Variants in CBX8 observed in about 807,000 individuals in gnomAD.
CBX8 encodes the protein chromobox protein homolog 8.
In CBX8, 8 loss-of-function variants were observed where a neutral mutation model predicts 39.7. The ratio of observed to expected loss-of-function variants is 0.20; its 90% CI spans 0.12 to 0.36. CBX8 has a LOEUF of 0.36. Ranked by LOEUF, CBX8 falls within the 10% of genes least tolerant of loss-of-function variation. CBX8 has a pLI of 1.00. For synonymous variants in CBX8, 268 were observed against 219.8 expected, an observed-to-expected ratio of 1.22 and a Z score of -1.94; for missense variants, 505 against 529.6, an observed-to-expected ratio of 0.95 and a Z score of 0.46.
At position 79,795,335 on chromosome 17, in the gene CBX8, T is replaced by A. The variant is rs1908039164; in HGVS notation, c.470A>T (p.Asp157Val). Residue 157 changes from aspartate (D) to valine (V), a missense_variant, in exon 5 of 5, where the codon GAC (aspartate) becomes GTC (valine). This residue lies in a region of CBX8 where 456 missense variants were observed against 389.2 expected (regional missense o/e 1.17). Transcript: ENST00000269385. The surrounding 1 kb of genome is among the most constrained non-coding windows in gnomAD (Gnocchi z 5.8). ...PRDRDRDRDRDRERDRERERE... is the reference protein window; with the variant it reads ...PRDRDRDRDRVRERDRERERE... ...CTCCCTTTCTCGATCCCGCTCCCGGTCCCTATCCCGGTCTCGGTCCCGGTC... is the reference window on the plus strand; with the variant it reads ...CTCCCTTTCTCGATCCCGCTCCCGGACCCTATCCCGGTCTCGGTCCCGGTC... 6.3e-7 allele frequency: 1 copy of A among 1,584,382 alleles called. No individual in the cohort carries two copies. The highest frequency in any genetic ancestry group is 1.8e-5 in the Admixed American group (1 of 54,784).
chr17:79,796,488 C>G lies in CBX8; in HGVS notation c.113+9G>C. The G allele has an allele frequency of 6.2e-7, 1 of 1,614,174 alleles. No homozygotes were observed. Among genetic ancestry groups the G allele is most frequent in the Non-Finnish European group, 8.5e-7 (1 of 1,180,028 alleles). ...GTCTGGGGTTGAGAATTGCATATAACCTACTTACTTCTGCGACCATCCCTT... is the reference window on the plus strand; with the variant it reads ...GTCTGGGGTTGAGAATTGCATATAAGCTACTTACTTCTGCGACCATCCCTT... On this transcript the variant is annotated intron_variant, in intron 2 of 4. Transcript: ENST00000269385.
At position 79,794,587 on chromosome 17, in the gene CBX8, A is replaced by C. The variant is rs1336470991; in HGVS notation, c.*48T>G. 8.6e-6 allele frequency: 12 copies of C among 1,396,134 alleles called. No homozygotes were observed. Among genetic ancestry groups the C allele is most frequent in the African/African-American group, 1.4e-5 (1 of 69,332 alleles). 86.5% of individuals were successfully genotyped at this position (1,396,134 alleles called of 1,614,324 possible). A position where few individuals can be genotyped will look rare whatever the true frequency, so the allele number is the denominator to read the frequency against. ...AAATAAAAATCACTATGCCAAGCTC[A>C]CGCTCACTCTCTCCCCTGCTCTCCT... is the stretch of plus-strand genomic sequence containing the variant. On this transcript the variant is annotated 3_prime_UTR_variant, in exon 5 of 5. Transcript: ENST00000269385.
At position 79,796,860 on chromosome 17, in the gene CBX8, AG is replaced by A. The variant is rs1371132096; in HGVS notation, c.69+69del. On this transcript the variant is annotated intron_variant, in intron 1 of 4. Transcript: ENST00000269385. ...GGGGGAAGGGAAGCTGGGCTGCAGC[AG>A]GGGGAGGGAACCCGGGCCGGGAGGG... 5 of 1,375,776 alleles carry A rather than the reference AG, an allele frequency of 3.6e-6. No individual in the cohort carries two copies. In the Admixed American group the frequency reaches 1.0e-4, roughly 28 times the overall value. The allele number at this position is 1,375,776 out of a possible 1,614,324, so 85.2% of individuals were successfully genotyped here.
In CBX8 at chr17:79,795,131, T is replaced by C; in HGVS notation, c.674A>G (p.Tyr225Cys). Residue 225 changes from tyrosine (Y) to cysteine (C), a missense_variant, in exon 5 of 5, where the codon TAC (tyrosine) becomes TGC (cysteine). This residue lies in a region of CBX8 where 456 missense variants were observed against 389.2 expected (regional missense o/e 1.17). Coordinates refer to ENST00000269385, the MANE Select transcript of CBX8 (RefSeq NM_020649.3). This position sits in a 1 kb window ranked among gnomAD's most constrained non-coding sequence, Gnocchi z 5.8. ...LGEPSAGLGE[Y>C]LKGRKLDDTP... ...GTCGTCCAGCTTCCTGCCCTTGAGG[T>C]ACTCTCCGAGGCCGGCGCTGGGTTC... is the stretch of plus-strand genomic sequence containing the variant. 1 of 1,613,584 alleles carries C rather than the reference T, an allele frequency of 6.2e-7. No homozygotes were observed. The highest frequency in any genetic ancestry group is 8.5e-7 in the Non-Finnish European group (1 of 1,179,870).
chr17:79,796,466 T>C (rs376976718), intron 2 of CBX8, 31 bp downstream of exon 2: 163 of 1,613,640 alleles, frequency 1.0e-4, no homozygotes, highest in Non-Finnish European at 1.3e-4. Context: ...AATAACAGTC[T>C]GGGGTTGAGA....
At chr17:79,796,145 A>G (rs1441422957) in intron 3 of CBX8, 22 bp from the exon 4 acceptor site, 15 of 1,613,802 alleles carry the variant, frequency 9.3e-6, no homozygotes, top group Non-Finnish European at 1.2e-5. Flanking sequence ...AGAAAAGGAG[A>G]AAGGGTGCGT....
rs752385628 is a variant in CBX8, at chr17:79,797,025, C to T, written c.-27G>A. On this transcript the variant is annotated 5_prime_UTR_variant, in exon 1 of 5. Transcript: ENST00000269385. ...TTGACTCGCCGCTTCCCCCCTTGGC[C>T]GCTTCCAGGAGCAGAAAAGCAGCAG... The T allele has an allele frequency of 2.5e-6, 4 of 1,600,914 alleles. No individual in the cohort carries two copies. The highest frequency in any genetic ancestry group is 2.6e-6 in the Non-Finnish European group (3 of 1,174,472).
rs899259125 is a variant in CBX8 at position 79,795,142 on chromosome 17, G to C, written c.663C>G (p.Gly221=). The C allele has an allele frequency of 6.2e-7, 1 of 1,613,694 alleles. No individual in the cohort carries two copies. Among genetic ancestry groups the C allele is most frequent in the Non-Finnish European group, 8.5e-7 (1 of 1,179,910 alleles). ...TCCTGCCCTTGAGGTACTCTCCGAGGCCGGCGCTGGGTTCGCCTAAGGGCC... is the reference window on the plus strand; with the variant it reads ...TCCTGCCCTTGAGGTACTCTCCGAGCCCGGCGCTGGGTTCGCCTAAGGGCC... ...SQRPLGEPSA[G]LGEYLKGRKL... Residue 221 remains glycine, a synonymous_variant, in exon 5 of 5, where the codon GGC becomes GGG. Coordinates refer to ENST00000269385, the MANE Select transcript of CBX8 (RefSeq NM_020649.3). This position sits in a 1 kb window ranked among gnomAD's most constrained non-coding sequence, Gnocchi z 5.8.
intron 2 of CBX8, 38 bp from the exon 3 acceptor site, chr17:79,796,353 G>A (rs778819958): frequency 3.1e-6 from 5 of 1,609,776 alleles, no homozygotes; most frequent in Non-Finnish European, 3.4e-6. Context: ...TCAGTCCCAG[G>A]AGCAGGGTGA....
rs763212795 is a variant in CBX8, at chr17:79,793,665, TCTC to T, written c.*967_*969del. 5 of 152,202 alleles carry T rather than the reference TCTC, an allele frequency of 3.3e-5. No homozygotes were observed. The highest frequency in any genetic ancestry group is 5.9e-5 in the Non-Finnish European group (4 of 68,032). The allele number at this position is 152,202 out of a possible 1,614,324, so 9.4% of individuals were successfully genotyped here. A position where few individuals can be genotyped will look rare whatever the true frequency, so the allele number is the denominator to read the frequency against. On this transcript the variant is annotated 3_prime_UTR_variant, in exon 5 of 5. Coordinates refer to ENST00000269385, the MANE Select transcript of CBX8 (RefSeq NM_020649.3). Reference sequence around the variant, plus strand: ...CTGGGAGGTGGGGGCCACCGTCTCTTCTCCTGGCAAAGCTAGAGGACGCGAAAA... The same window carrying T: ...CTGGGAGGTGGGGGCCACCGTCTCTTCTGGCAAAGCTAGAGGACGCGAAAA...
rs529624037 is a variant in CBX8 at position 79,792,557 on chromosome 17, C to T, written c.*2078G>A. 1 of 152,364 alleles carries T rather than the reference C, an allele frequency of 6.6e-6. No homozygotes were observed. The highest frequency in any genetic ancestry group is 2.4e-5 in the African/African-American group (1 of 41,566). 9.4% of individuals were successfully genotyped at this position (152,364 alleles called of 1,614,324 possible). ...GCGGCGGCCAGGTGAAGACGCGTAT[C>T]CCCCAGTCCCGTCCACTAGGTAACA... On this transcript the variant is annotated 3_prime_UTR_variant, in exon 5 of 5. Transcript: ENST00000269385.
At chr17:79,796,618 C>A (rs1908103554) in intron 1 of CBX8, 78 bp from the exon 2 acceptor site, 4 of 1,525,262 alleles carry the variant, frequency 2.6e-6, no homozygotes, top group Non-Finnish European at 3.6e-6. Context: ...TGCGAAAATG[C>A]ATGCACCAGA....
At chr17:79,796,032 C>T in intron 4 of CBX8, 25 bp downstream of exon 4, 1 of 1,610,904 alleles carries the variant, frequency 6.2e-7, no homozygotes, top group Non-Finnish European at 8.5e-7. Flanking sequence ...ACATGGTCCT[C>T]CACCATTGGA....
chr17:79,795,968 G>A lies in CBX8; in HGVS notation c.246+89C>T, dbSNP rs1908071976. ...ACATTACAAATAGGCAACATGTGTG[G>A]ACACCCCATTGGCTCACAGCCCTCA... On this transcript the variant is annotated intron_variant, in intron 4 of 4. Coordinates refer to ENST00000269385, the MANE Select transcript of CBX8 (RefSeq NM_020649.3). The surrounding 1 kb of genome is among the most constrained non-coding windows in gnomAD (Gnocchi z 5.8). 4 of 1,161,392 alleles carry A rather than the reference G, an allele frequency of 3.4e-6. No homozygotes were observed. The highest frequency in any genetic ancestry group is 1.3e-5 in the South Asian group (1 of 77,624). 71.9% of individuals were successfully genotyped at this position (1,161,392 alleles called of 1,614,324 possible). A position where few individuals can be genotyped will look rare whatever the true frequency, so the allele number is the denominator to read the frequency against.
chr17:79,794,887 C>T lies in CBX8; in HGVS notation c.918G>A (p.Arg306=). 1 of 1,611,338 alleles carries T rather than the reference C, an allele frequency of 6.2e-7. No homozygotes were observed. The highest frequency in any genetic ancestry group is 8.5e-7 in the Non-Finnish European group (1 of 1,178,682). The stretch of plus-strand genomic sequence containing the variant: ...TGGGGGGGCCTGAGCCATGTCGGAC[C>T]CGGGTGCCATTGGGATCTAGGGCAC... ...GQGALDPNGT[R]VRHGSGPPSS... The change falls in exon 5 of 5, where the codon CGG becomes CGA. Residue 306 remains arginine (R), a synonymous_variant. Coordinates refer to ENST00000269385, the MANE Select transcript of CBX8 (RefSeq NM_020649.3).
chr17:79,796,557 G>C lies in CBX8; in HGVS notation c.70-17C>G, dbSNP rs768401480. On this transcript the variant is annotated splice_polypyrimidine_tract_variant and intron_variant, in intron 1 of 4. Coordinates refer to ENST00000269385, the MANE Select transcript of CBX8 (RefSeq NM_020649.3). ...CATGCGTCCCTGCGGGTGCAAAGGCGATAATGTGTGTGCATGGGGAGAAAC... is the reference window on the plus strand; with the variant it reads ...CATGCGTCCCTGCGGGTGCAAAGGCCATAATGTGTGTGCATGGGGAGAAAC... 6.2e-7 allele frequency: 1 copy of C among 1,614,018 alleles called. No individual in the cohort carries two copies. Among genetic ancestry groups the C allele is most frequent in the South Asian group, 1.1e-5 (1 of 91,076 alleles).
In CBX8 at chr17:79,796,438, G is replaced by A. The variant is rs548889029; in HGVS notation, c.113+59C>T. 115 of 1,609,594 alleles carry A rather than the reference G, an allele frequency of 7.1e-5. 1 individual carries two copies. In the African/African-American group the frequency reaches 1.1e-3, roughly 15 times the overall value. On this transcript the variant is annotated intron_variant, in intron 2 of 4. Transcript: ENST00000269385. Reference sequence around the variant, plus strand: ...TATTTCAATGTAAAGGCAAAAAGAGGAAGAAAGAAACCTCCCGAATAACAG... The same window carrying A: ...TATTTCAATGTAAAGGCAAAAAGAGAAAGAAAGAAACCTCCCGAATAACAG...
In CBX8 at chr17:79,795,418, C is replaced by A. The variant is rs764032339; in HGVS notation, c.387G>T (p.Leu129Phe). 3.8e-5 allele frequency: 61 copies of A among 1,604,600 alleles called. No individual in the cohort carries two copies. In the South Asian group the frequency reaches 6.4e-4, roughly 17 times the overall value. ...TGCTGGTGCTGCTCGCTGGCGGGGA[C>A]AAACCCATGTTTCGAAGGCCCTCCC... The part of the protein sequence containing the change: ...RAREGLRNMG[L>F]SPPASSTSTS... Residue 129 changes from leucine (L) to phenylalanine (F), a missense_variant, in exon 5 of 5, where the codon TTG becomes TTT. Leu to Phe is a conservative substitution (Grantham distance 22). This residue lies in a region of CBX8 where 456 missense variants were observed against 389.2 expected (regional missense o/e 1.17). Transcript: ENST00000269385. The surrounding 1 kb of genome is among the most constrained non-coding windows in gnomAD (Gnocchi z 5.8).
At chr17:79,796,449 CCTCCCGAATAACAG>C (rs781703035) in intron 2 of CBX8, 34 bp downstream of exon 2, 1 of 1,612,224 alleles carries the variant, frequency 6.2e-7, no homozygotes, top group East Asian at 2.2e-5. Flanking sequence ...AAGAAAGAAA[CCTCCCGAATAACAG>C]TCTGGGGTTG....
Sources: allele counts gnomAD v4.1 joint callset, GRCh38; gene constraint gnomAD v4.1.1; regional missense constraint gnomAD v4.1.1; non-coding constraint Gnocchi (gnomAD v3.1); transcripts MANE v1.5; gene names NCBI Gene and HGNC (gene_info 2026-07-23, HGNC 2026-07-21).